The following UBE2H variants were observed in gnomAD, a reference collection of about 807,000 sequenced individuals.
UBE2H encodes the protein ubiquitin conjugating enzyme E2 H.
A neutral mutation model predicts 29.0 loss-of-function variants in UBE2H; 3 were observed. The ratio of observed to expected loss-of-function variants is 0.10; its 90% confidence interval spans 0.05 to 0.27. UBE2H has a LOEUF of 0.27. Ranked by LOEUF, UBE2H falls within the 10% of genes least tolerant of loss-of-function variation. The probability of loss-of-function intolerance (pLI) is 1.00; values close to 1 mark genes in which losing one functional copy is unlikely to be tolerated. For synonymous variants in UBE2H, 69 were observed against 82.9 expected, an observed-to-expected ratio of 0.83 and a Z score of 0.91; for missense variants, 68 against 228.2, an observed-to-expected ratio of 0.30 and a Z score of 4.52.
chr7:129,892,574 G>T (rs1258367915), intron 1 of UBE2H, among the ~76,000 whole-genome samples: 1 of 152,048 alleles, frequency 6.6e-6, no homozygotes, highest in Non-Finnish European at 1.5e-5. Flanking sequence ...TCTTGATGCT[G>T]GGTCATCATT....
intron 5 of UBE2H, among the ~76,000 whole-genome samples, chr7:129,846,550 CCT>C (rs1288717093): frequency 9.2e-6 from 1 of 109,002 alleles, no homozygotes; most frequent in Middle Eastern, 3.9e-3. Flanking sequence ...AAAGCAAGAC[CCT>C]CTCTCTACCA....
intron 5 of UBE2H, among the ~76,000 whole-genome samples, chr7:129,854,472 A>G (rs534174685): frequency 3.3e-5 from 5 of 152,198 alleles, no homozygotes; most frequent in Non-Finnish European, 7.4e-5. Context: ...TAGTGTGCTC[A>G]CACTCCTGTA....
intron 1 of UBE2H, among the ~76,000 whole-genome samples, chr7:129,920,327 T>A (rs1273629670): frequency 6.6e-6 from 1 of 152,106 alleles, no homozygotes; most frequent in Admixed American, 6.6e-5. Context: ...TGAAAAACAC[T>A]ATCCCAGAAA....
At chr7:129,836,879 CAAAAAAAAAAAAAAAAAA>C (rs61226846) in intron 6 of UBE2H, among the ~76,000 whole-genome samples, 44 of 73,738 alleles carry the variant, frequency 6.0e-4, no homozygotes, top group Admixed American at 1.6e-3. Flanking sequence ...GACTCCGTCT[CAAAAAAAAAAAAAAAAAA>C]AAAAAAAAAA....
chr7:129,909,719 C>T (rs1806891449), intron 1 of UBE2H, among the ~76,000 whole-genome samples: 1 of 152,010 alleles, frequency 6.6e-6, no homozygotes, highest in Admixed American at 6.6e-5. Flanking sequence ...GTACATGTGG[C>T]CCCACCTCTT....
At chr7:129,930,891 G>A (rs143332872) in intron 1 of UBE2H, among the ~76,000 whole-genome samples, 7,813 of 102,210 alleles carry the variant, frequency 0.076, 306 homozygotes, top group Middle Eastern at 0.12. Flanking sequence ...CTGGGTGAGA[G>A]AGCGAGACCC....
chr7:129,898,582 T>C (rs1288727218), intron 1 of UBE2H, among the ~76,000 whole-genome samples: 1 of 152,028 alleles, frequency 6.6e-6, no homozygotes, highest in Non-Finnish European at 1.5e-5. Context: ...CAACAGTGGA[T>C]GTATATATAG....
intron 1 of UBE2H, among the ~76,000 whole-genome samples, chr7:129,937,298 C>T (rs528746398): frequency 1.1e-4 from 17 of 151,932 alleles, no homozygotes; most frequent in South Asian, 2.1e-4. Flanking sequence ...AACTGCACTT[C>T]GGCCTGGGCA....
chr7:129,837,710 A>G (rs1183906654), intron 6 of UBE2H, among the ~76,000 whole-genome samples: 1 of 152,192 alleles, frequency 6.6e-6, no homozygotes, highest in African/African-American at 2.4e-5. Flanking sequence ...ATAGTTAGGA[A>G]CAAAGAAAAG....
intron 1 of UBE2H, among the ~76,000 whole-genome samples, chr7:129,890,340 T>C (rs1239178815): frequency 1.3e-5 from 2 of 151,778 alleles, no homozygotes; most frequent in African/African-American, 2.4e-5. Flanking sequence ...CGTGTGTATA[T>C]ATATGTATGT....
At chr7:129,875,390 C>T (rs185777705) in intron 3 of UBE2H, among the ~76,000 whole-genome samples, 2 of 152,288 alleles carry the variant, frequency 1.3e-5, no homozygotes, top group East Asian at 3.9e-4. Flanking sequence ...ACTTTATCAC[C>T]GACTGGGTCA....
At chr7:129,937,568 C>A (rs2116509513) in intron 1 of UBE2H, among the ~76,000 whole-genome samples, 1 of 152,204 alleles carries the variant, frequency 6.6e-6, no homozygotes. Flanking sequence ...GATAAAAAAG[C>A]AAGTGAGTAT....
Position 129,952,887 on chromosome 7 carries a change from G to A in UBE2H, c.-332C>T, listed in dbSNP as rs1261408390. The A allele has an allele frequency of 1.0e-5, 2 of 200,574 alleles. No homozygotes were observed. The highest frequency in any genetic ancestry group is 2.0e-5 in the Non-Finnish European group (2 of 100,284). 12.4% of individuals were successfully genotyped at this position (200,574 alleles called of 1,614,324 possible). Reference sequence around the variant, plus strand: ...CTCGCCTGCTCCCCACTCACCCTCTGACCGGCTCCTAGCAGCCTCCACTAT... The same window carrying A: ...CTCGCCTGCTCCCCACTCACCCTCTAACCGGCTCCTAGCAGCCTCCACTAT... On this transcript the variant is annotated 5_prime_UTR_variant, in exon 1 of 7. Coordinates refer to ENST00000355621, the MANE Select transcript of UBE2H (RefSeq NM_003344.4).
intron 6 of UBE2H, among the ~76,000 whole-genome samples, chr7:129,838,289 G>A (rs1805366821): frequency 6.6e-6 from 1 of 152,184 alleles, no homozygotes; most frequent in Non-Finnish European, 1.5e-5. Flanking sequence ...AAAAGCTATT[G>A]TTTCATGAAT....
At chr7:129,927,882 T>C (rs1040338638) in intron 1 of UBE2H, among the ~76,000 whole-genome samples, 2 of 152,000 alleles carry the variant, frequency 1.3e-5, no homozygotes, top group Admixed American at 6.6e-5. Context: ...TTAGTGTGCA[T>C]TCGAAGGTGA....
intron 1 of UBE2H, among the ~76,000 whole-genome samples, chr7:129,902,777 TC>T (rs1563040579): frequency 6.6e-6 from 1 of 151,880 alleles, no homozygotes; most frequent in African/African-American, 2.4e-5. Flanking sequence ...AAGCCTTGCC[TC>T]CCCCCACCAT....
intron 1 of UBE2H, among the ~76,000 whole-genome samples, chr7:129,911,057 G>A (rs960511517): frequency 2.6e-5 from 4 of 151,578 alleles, no homozygotes; most frequent in African/African-American, 9.7e-5. Context: ...GGGCAGGGTT[G>A]GGGGAGAGAA....
intron 3 of UBE2H, among the ~76,000 whole-genome samples, chr7:129,868,205 A>C (rs903287946): frequency 6.6e-6 from 1 of 152,256 alleles, no homozygotes; most frequent in Non-Finnish European, 1.5e-5. Context: ...AGTAGGAACT[A>C]ACCTAGGCAG....
intron 1 of UBE2H, among the ~76,000 whole-genome samples, chr7:129,891,900 T>C (rs1229373285): frequency 6.6e-6 from 1 of 151,616 alleles, no homozygotes; most frequent in Non-Finnish European, 1.5e-5. Flanking sequence ...TGTGTGTGTG[T>C]GTTAGTTTTT....
Sources: allele counts gnomAD v4.1 joint callset (sites outside exome capture counted in the v4.1 genomes callset), GRCh38; gene constraint gnomAD v4.1.1; transcripts MANE v1.5; gene names NCBI Gene and HGNC (gene_info 2026-07-23, HGNC 2026-07-21).